The following ZNF251 variants were observed in gnomAD, a reference collection of about 807,000 sequenced individuals.
ZNF251 encodes zinc finger protein 251.
A neutral mutation model predicts 13.5 loss-of-function variants in ZNF251; 14 were observed. The observed-to-expected ratio is 1.04, with a 90% confidence interval of 0.69 to 1.63. ZNF251 has a LOEUF of 1.63. Ranked by LOEUF, ZNF251 falls within the 40% of genes most tolerant of loss-of-function variation. The pLI is 0.00. For missense variants in ZNF251, 764 were observed against 834.9 expected, an observed-to-expected ratio of 0.92 and a Z score of 1.05; for synonymous variants, 287 against 295.2, an observed-to-expected ratio of 0.97 and a Z score of 0.28.
rs370306799 is a variant in ZNF251 at position 144,740,052 on chromosome 8, G to A, written c.277+13631C>T. ...TGTAATCCCAGCACTTTGGGAGGCC[G>A]AGGCGGGCAGATCACCTGAGGTCCG... is the stretch of plus-strand genomic sequence containing the variant. On this transcript the variant is annotated intron_variant, in intron 4 of 4. Transcript: ENST00000292562. Among the ~76,000 whole-genome samples, 17 of 152,246 alleles carry A rather than the reference G, an allele frequency of 1.1e-4. No individual in the cohort carries two copies. In the South Asian group the frequency reaches 1.2e-3, roughly 11 times the overall value.
At position 144,748,796 on chromosome 8, in the gene ZNF251, C is replaced by T. The variant is rs374710866; in HGVS notation, c.277+4887G>A. Among the ~76,000 whole-genome samples the T allele has an allele frequency of 7.0e-4, 106 of 152,296 alleles. No individual in the cohort carries two copies. The South Asian group carries it at 0.019, about 27-fold the overall frequency. Reference sequence around the variant, plus strand: ...TAGGCTGGTCTCAAACTCCCAGGCTCAAGGGATCCTCCCACCTCGGCCTCC... The same window carrying T: ...TAGGCTGGTCTCAAACTCCCAGGCTTAAGGGATCCTCCCACCTCGGCCTCC... On this transcript the variant is annotated intron_variant, in intron 4 of 4. Coordinates refer to ENST00000292562, the MANE Select transcript of ZNF251 (RefSeq NM_138367.2).
intron 4 of ZNF251, among the ~76,000 whole-genome samples, chr8:144,737,698 G>T (rs1242321460): frequency 6.7e-6 from 1 of 149,560 alleles, no homozygotes; most frequent in Non-Finnish European, 1.5e-5. Flanking sequence ...CAGGCGTGGT[G>T]GCAGGCGCCT....
In ZNF251 at chr8:144,735,295, G is replaced by A. The variant is rs1327703052; in HGVS notation, c.278-11913C>T. Among the ~76,000 whole-genome samples the A allele has an allele frequency of 2.7e-5, 4 of 149,636 alleles. No homozygotes were observed. The East Asian group carries it at 7.9e-4, about 30-fold the overall frequency. ...CCAGCTACTTGGGAGGCTGAGGTGG[G>A]AGAATTGCTTGAACCCAGGAGGCAG... On this transcript the variant is annotated intron_variant, in intron 4 of 4. Transcript: ENST00000292562.
intron 4 of ZNF251, among the ~76,000 whole-genome samples, chr8:144,732,649 A>G (rs1166499097): frequency 6.6e-6 from 1 of 151,732 alleles, no homozygotes; most frequent in Non-Finnish European, 1.5e-5. Flanking sequence ...CGTCTCTACT[A>G]AAAATACAAA....
At chr8:144,745,274 T>C (rs1043595056) in intron 4 of ZNF251, among the ~76,000 whole-genome samples, 1 of 150,820 alleles carries the variant, frequency 6.6e-6, no homozygotes, top group African/African-American at 2.4e-5. Context: ...CATTGAGGTG[T>C]GTTTGTTCCC....
intron 4 of ZNF251, among the ~76,000 whole-genome samples, chr8:144,749,025 T>C (rs113608028): frequency 0.024 from 3,663 of 152,172 alleles, 64 homozygotes; most frequent in Non-Finnish European, 0.039. Flanking sequence ...AAGAGCTGGA[T>C]GTGGTGACAT....
rs2129921324 is a variant in ZNF251 at position 144,723,154 on chromosome 8, G to C, written c.506C>G (p.Thr169Ser). 1 of 1,612,920 alleles carries C rather than the reference G, an allele frequency of 6.2e-7. No homozygotes were observed. Residue 169 changes from threonine to serine, a missense_variant, in exon 5 of 5, where the codon ACC (threonine) becomes AGC (serine). Coordinates refer to ENST00000292562, the MANE Select transcript of ZNF251 (RefSeq NM_138367.2). ...NIHKRVLTEA[T>S]VGRERSLGER... ...TCCCAAAGATCTTTCCCTGCCCACG[G>C]TAGCTTCTGTTAAAACTCTCTTGTG...
Position 144,754,796 on chromosome 8 carries a change from G to A in ZNF251, c.-68C>T, listed in dbSNP as rs375806383. On this transcript the variant is annotated 5_prime_UTR_variant, in exon 2 of 5. Transcript: ENST00000292562. ...GACTGCCCTGGCCTGAAGTCTCCCC[G>A]AACTTACCTTCAGTGGGGAGAACTC... is the stretch of plus-strand genomic sequence containing the variant. 1.3e-6 allele frequency: 2 copies of A among 1,580,036 alleles called. No homozygotes were observed. The highest frequency in any genetic ancestry group is 2.7e-5 in the African/African-American group (2 of 74,166).
In ZNF251 at chr8:144,754,810, T is replaced by A; in HGVS notation, c.-75-7A>T. The A allele has an allele frequency of 6.4e-7, 1 of 1,558,394 alleles. No homozygotes were observed. The highest frequency in any genetic ancestry group is 1.4e-5 in the African/African-American group (1 of 73,558). ...GAAGTCTCCCCGAACTTACCTTCAG[T>A]GGGGAGAACTCAGGCTCAGCCCCAT... On this transcript the variant is annotated splice_region_variant and splice_polypyrimidine_tract_variant and intron_variant, in intron 1 of 4. Transcript: ENST00000292562.
chr8:144,721,491 A>T lies in ZNF251; in HGVS notation c.*153T>A. On this transcript the variant is annotated 3_prime_UTR_variant, in exon 5 of 5. Transcript: ENST00000292562. The stretch of plus-strand genomic sequence containing the variant: ...TTTCCCAGAATGAATTCTCGTGTTT[A>T]CTTCCAGATTTAATGACTTTGACTT... The T allele has an allele frequency of 1.3e-6, 1 of 764,880 alleles. No individual in the cohort carries two copies. The highest frequency in any genetic ancestry group is 1.8e-6 in the Non-Finnish European group (1 of 559,332). 47.4% of individuals were successfully genotyped at this position (764,880 alleles called of 1,614,324 possible).
In ZNF251 at chr8:144,734,286, G is replaced by T. The variant is rs1823812875; in HGVS notation, c.278-10904C>A. On this transcript the variant is annotated intron_variant, in intron 4 of 4. Transcript: ENST00000292562. This position sits in a 1 kb window ranked among gnomAD's most constrained non-coding sequence, Gnocchi z 4.4. ...ACCATGGGCAATCCCTGCAGGGCTG[G>T]TCATGACCCCTTGCAAATATCCATG... is the stretch of plus-strand genomic sequence containing the variant. Among the ~76,000 whole-genome samples the T allele has an allele frequency of 1.3e-5, 2 of 152,352 alleles. No homozygotes were observed. Among genetic ancestry groups the T allele is most frequent in the South Asian group, 2.1e-4 (1 of 4,830 alleles).
intron 4 of ZNF251, among the ~76,000 whole-genome samples, chr8:144,745,728 T>C (rs776728836): frequency 3.7e-4 from 57 of 152,054 alleles, no homozygotes; most frequent in Non-Finnish European, 6.9e-4. Context: ...AAAAATTTTT[T>C]TGTAGATATG....
At chr8:144,737,700 C>A (rs531165856) in intron 4 of ZNF251, among the ~76,000 whole-genome samples, 56 of 147,574 alleles carry the variant, frequency 3.8e-4, no homozygotes, top group African/African-American at 1.4e-3. Flanking sequence ...GGCGTGGTGG[C>A]AGGCGCCTGT....
chr8:144,745,965 G>A (rs887105586), intron 4 of ZNF251, among the ~76,000 whole-genome samples: 1 of 152,036 alleles, frequency 6.6e-6, no homozygotes, highest in African/African-American at 2.4e-5. Flanking sequence ...GCTCTTCTTT[G>A]ATATATTTTT....
chr8:144,738,332 G>A (rs751222145), intron 4 of ZNF251, among the ~76,000 whole-genome samples: 1 of 152,114 alleles, frequency 6.6e-6, no homozygotes, highest in Non-Finnish European at 1.5e-5. Flanking sequence ...AACGCTATCC[G>A]CCTATTGAGC....
chr8:144,721,882 G>A lies in ZNF251; in HGVS notation c.1778C>T (p.Pro593Leu). The A allele has an allele frequency of 6.7e-7, 1 of 1,502,508 alleles. No homozygotes were observed. The highest frequency in any genetic ancestry group is 8.9e-7 in the Non-Finnish European group (1 of 1,125,206). 93.1% of individuals were successfully genotyped at this position (1,502,508 alleles called of 1,614,324 possible). The change falls in exon 5 of 5, where the codon CCC becomes CTC. Residue 593 changes from proline (P) to leucine (L), a missense_variant. Pro to Leu is a moderately conservative substitution (Grantham distance 98, BLOSUM62 -3). Transcript: ENST00000292562. ...GTTTCCACATTCTTGACATTTATAG[G>A]GCTTTTCCCCAGCATGCATTATCTG... is the stretch of plus-strand genomic sequence containing the variant. ...EDQIMHAGEK[P>L]YKCQECGNAF...
chr8:144,739,728 G>T (rs1260716576), intron 4 of ZNF251, among the ~76,000 whole-genome samples: 1 of 151,962 alleles, frequency 6.6e-6, no homozygotes, highest in African/African-American at 2.4e-5. Flanking sequence ...GTGAAACCTT[G>T]TCTCTACCAA....
Position 144,721,414 on chromosome 8 carries a change from C to A in ZNF251, c.*230G>T, listed in dbSNP as rs1823368662. The A allele has an allele frequency of 1.1e-5, 5 of 436,778 alleles. No individual in the cohort carries two copies. In the East Asian group the frequency reaches 1.8e-4, roughly 15 times the overall value. The allele number at this position is 436,778 out of a possible 1,614,324, so 27.1% of individuals were successfully genotyped here. A position where few individuals can be genotyped will look rare whatever the true frequency, so the allele number is the denominator to read the frequency against. ...TCGTCATGAGTATCCGGATACAGCA[C>A]CACACGGTTCAACTCCTGAGCACAG... is the stretch of plus-strand genomic sequence containing the variant. On this transcript the variant is annotated 3_prime_UTR_variant, in exon 5 of 5. Coordinates refer to ENST00000292562, the MANE Select transcript of ZNF251 (RefSeq NM_138367.2).
intron 4 of ZNF251, among the ~76,000 whole-genome samples, chr8:144,724,261 C>CAAAAA (rs1175216003): frequency 2.8e-5 from 1 of 35,862 alleles, no homozygotes; most frequent in Admixed American, 2.9e-4. Context: ...GACTCCGTCT[C>CAAAAA]AAAAAAAAAA....
Sources: gnomAD v4.1 joint callset for allele counts (sites outside exome capture counted in the v4.1 genomes callset) on GRCh38, gnomAD v4.1.1 for gene constraint, Gnocchi (gnomAD v3.1) non-coding constraint, MANE v1.5 for transcripts, NCBI Gene and HGNC (gene_info 2026-07-23, HGNC 2026-07-21) for gene names.